The following TP53I11 variants were observed in gnomAD, a reference collection of about 807,000 sequenced individuals.
The protein encoded by TP53I11 is tumor protein p53-inducible protein 11.
In TP53I11, 9 loss-of-function variants were observed where a neutral mutation model predicts 23.3. The observed-to-expected ratio is 0.39, with a 90% CI of 0.23 to 0.67. TP53I11 has a LOEUF of 0.67. Ranked by LOEUF, TP53I11 falls within the 30% of genes least tolerant of loss-of-function variation. The probability of loss-of-function intolerance (pLI) is 0.48; values close to 1 mark genes in which losing one functional copy is unlikely to be tolerated. For synonymous variants in TP53I11, 100 were observed against 106.1 expected (o/e 0.94, Z 0.35); for missense variants, 170 against 255.2 (o/e 0.67, Z 2.27).
At chr11:44,935,706 C>G (rs770916045) in intron 5 of TP53I11, 44 bp from the exon 6 acceptor site, 2 of 1,375,002 alleles carry the variant, frequency 1.5e-6, no homozygotes, top group African/African-American at 2.8e-5. Flanking sequence ...GGACAGCTGA[C>G]TCCCTCCCAG....
At chr11:44,943,011 A>G (rs1862042747) in intron 1 of TP53I11, 1 of 152,364 alleles carries the variant, frequency 6.6e-6, no homozygotes, top group Non-Finnish European at 1.5e-5. Context: ...ACTATGGCCA[A>G]ACCCCGGCTT....
Position 44,934,975 on chromosome 11 carries a change from C to T in TP53I11, c.479G>A (p.Gly160Glu). The change falls in exon 7 of 7, where the codon GGG becomes GAG. Residue 160 changes from glycine to glutamate, a missense_variant. Coordinates refer to ENST00000525680, the MANE Select transcript of TP53I11 (RefSeq NM_006034.5). Reference protein sequence around the residue: ...TLAETGLMSLGILLLLVSRLL... With the variant: ...TLAETGLMSLEILLLLVSRLL... Reference sequence around the variant, plus strand: ...GCGGCTGACCAGGAGCAGCAGGATCCCCAGGGACATGAGGCCCGTCTCAGC... The same window carrying T: ...GCGGCTGACCAGGAGCAGCAGGATCTCCAGGGACATGAGGCCCGTCTCAGC... 6.2e-7 allele frequency: 1 copy of T among 1,614,062 alleles called. No homozygotes were observed. The highest frequency in any genetic ancestry group is 2.2e-5 in the East Asian group (1 of 44,880).
intron 1 of TP53I11, among the ~76,000 whole-genome samples, chr11:44,949,807 A>T: frequency 6.6e-6 from 1 of 152,042 alleles, no homozygotes; most frequent in East Asian, 1.9e-4. Flanking sequence ...GACTTTGGGG[A>T]GAGTGGGGGG....
chr11:44,944,182 G>A (rs1159052036), intron 1 of TP53I11, among the ~76,000 whole-genome samples: 1 of 152,160 alleles, frequency 6.6e-6, no homozygotes, highest in Admixed American at 6.5e-5. Flanking sequence ...TGGCAGTGGG[G>A]GGTCTGGACA....
chr11:44,945,082 TC>T (rs1252155149), intron 1 of TP53I11, among the ~76,000 whole-genome samples: 11 of 152,192 alleles, frequency 7.2e-5, no homozygotes, highest in African/African-American at 2.2e-4. Context: ...GCCCAGAACA[TC>T]CATCAGTGGC....
intron 1 of TP53I11, among the ~76,000 whole-genome samples, chr11:44,947,509 G>A (rs1862507792): frequency 1.3e-5 from 2 of 152,214 alleles, no homozygotes. Flanking sequence ...CTTCCTCGAA[G>A]GGATGCTCCA....
intron 1 of TP53I11, chr11:44,947,287 C>T (rs181245831): frequency 4.3e-5 from 16 of 373,438 alleles, no homozygotes; most frequent in Middle Eastern, 9.5e-4. Flanking sequence ...GGCCCAGTGA[C>T]CATGTCAGGG....
intron 1 of TP53I11, among the ~76,000 whole-genome samples, chr11:44,941,813 C>G (rs201701233): frequency 1.3e-5 from 2 of 152,136 alleles, no homozygotes; most frequent in African/African-American, 4.8e-5. Flanking sequence ...TCTCAGTCCC[C>G]GGGCACAAGG....
chr11:44,947,440 G>T (rs1384515168), intron 1 of TP53I11, among the ~76,000 whole-genome samples: 6 of 152,194 alleles, frequency 3.9e-5, no homozygotes, highest in African/African-American at 1.4e-4. Context: ...CCCCGTGGCT[G>T]TTCAGGAACT....
intron 1 of TP53I11, chr11:44,947,347 C>T (rs1395761325): frequency 8.5e-6 from 3 of 351,674 alleles, no homozygotes; most frequent in South Asian, 2.1e-5. Context: ...CTTCCAGATC[C>T]TATCGGGCTA....
chr11:44,935,754 G>A, intron 5 of TP53I11, 92 bp from the exon 6 acceptor site: 1 of 874,692 alleles, frequency 1.1e-6, no homozygotes, highest in Non-Finnish European at 1.8e-6. Flanking sequence ...TCTGGCCACT[G>A]CTGCAAGACA....
At chr11:44,947,837 G>C (rs1194206089) in intron 1 of TP53I11, among the ~76,000 whole-genome samples, 4 of 137,722 alleles carry the variant, frequency 2.9e-5, no homozygotes, top group African/African-American at 9.8e-5. Flanking sequence ...TCACCAGTGA[G>C]AAGATGCACC....
In TP53I11 at chr11:44,937,361, C is replaced by G; in HGVS notation, c.189-9G>C. On this transcript the variant is annotated splice_polypyrimidine_tract_variant and intron_variant, in intron 3 of 6. Coordinates refer to ENST00000525680, the MANE Select transcript of TP53I11 (RefSeq NM_006034.5). ...AGACGAACTGCCAGACCCTGGGAGG[C>G]GTGGAAAGAAGATCACAGCCCTGCC... 6.8e-7 allele frequency: 1 copy of G among 1,473,218 alleles called. No individual in the cohort carries two copies. Among genetic ancestry groups the G allele is most frequent in the Non-Finnish European group, 9.0e-7 (1 of 1,110,222 alleles). The allele number at this position is 1,473,218 out of a possible 1,614,324, so 91.3% of individuals were successfully genotyped here. A position where few individuals can be genotyped will look rare whatever the true frequency, so the allele number is the denominator to read the frequency against.
chr11:44,938,363 A>T lies in TP53I11; in HGVS notation c.-28T>A. The T allele has an allele frequency of 1.3e-6, 2 of 1,566,142 alleles. No homozygotes were observed. The highest frequency in any genetic ancestry group is 1.8e-5 in the Admixed American group (1 of 55,184). On this transcript the variant is annotated 5_prime_UTR_variant, in exon 2 of 7. Transcript: ENST00000525680. ...TCTCCTCCAGCCCGGCCTCTGCAGA[A>T]GGGCTGAGGGGAGACACCGGCCTCA...
intron 1 of TP53I11, among the ~76,000 whole-genome samples, chr11:44,944,144 G>A (rs932193718): frequency 6.6e-6 from 1 of 152,206 alleles, no homozygotes; most frequent in African/African-American, 2.4e-5. Context: ...TCCAGGAGAT[G>A]GGGTGCAAAT....
At position 44,935,663 on chromosome 11, in the gene TP53I11, C is replaced by T. The variant is rs1213382223; in HGVS notation, c.335-1G>A. The T allele has an allele frequency of 2.4e-5, 21 of 885,014 alleles. No individual in the cohort carries two copies. Among genetic ancestry groups the T allele is most frequent in the Non-Finnish European group, 3.5e-5 (20 of 576,902 alleles). The allele number at this position is 885,014 out of a possible 1,614,324, so 54.8% of individuals were successfully genotyped here. On this transcript the variant is annotated splice_acceptor_variant, in intron 5 of 6. Coordinates refer to ENST00000525680, the MANE Select transcript of TP53I11 (RefSeq NM_006034.5). LOFTEE classifies it high-confidence loss of function. ...GCGTTCCACATGATCAGGGAGATGC[C>T]TGGGGCGGGGGATGAAAAGGGGGCT...
At chr11:44,943,919 AG>A (rs1862144354) in intron 1 of TP53I11, among the ~76,000 whole-genome samples, 1 of 152,214 alleles carries the variant, frequency 6.6e-6, no homozygotes, top group Non-Finnish European at 1.5e-5. Context: ...AGAAGCCCAC[AG>A]GTTAGACGTG....
At chr11:44,942,864 C>A (rs1295074900) in intron 1 of TP53I11, among the ~76,000 whole-genome samples, 2 of 152,180 alleles carry the variant, frequency 1.3e-5, no homozygotes, top group Non-Finnish European at 2.9e-5. Context: ...TCAGATCCAC[C>A]CAGCAGCCCC....
In TP53I11 at chr11:44,936,824, G is replaced by A; in HGVS notation, c.313C>T (p.Leu105Phe). The A allele has an allele frequency of 6.2e-7, 1 of 1,606,972 alleles. No individual in the cohort carries two copies. Among genetic ancestry groups the A allele is most frequent in the Non-Finnish European group, 8.5e-7 (1 of 1,177,464 alleles). Residue 105 changes from leucine (L) to phenylalanine (F), a missense_variant, in exon 5 of 7, where the codon CTC (leucine) becomes TTC (phenylalanine). Coordinates refer to ENST00000525680, the MANE Select transcript of TP53I11 (RefSeq NM_006034.5). This position sits in a 1 kb window ranked among gnomAD's most constrained non-coding sequence, Gnocchi z 4.4. ...TCACTGAGGAGGGCACCGCCGTAGA[G>A]GCGGATGGGGGTCTTGCTGGTCACC... ...AQVTSKTPIRLYGGALLSISL... is the reference protein window; with the variant it reads ...AQVTSKTPIRFYGGALLSISL...
Sources: allele counts gnomAD v4.1 joint callset (sites outside exome capture counted in the v4.1 genomes callset), GRCh38; gene constraint gnomAD v4.1.1; non-coding constraint Gnocchi (gnomAD v3.1); transcripts MANE v1.5; gene names NCBI Gene and HGNC (gene_info 2026-07-23, HGNC 2026-07-21).